The following CLSTN2 variants were observed in gnomAD, a reference collection of about 807,000 sequenced individuals.
The protein encoded by CLSTN2 is calsyntenin 2, also known as calsyntenin-2.
CLSTN2 carries 48 observed loss-of-function variants against 101.2 expected under a neutral mutation model. That is an observed-to-expected ratio of 0.47 (90% CI 0.38 to 0.60). The LOEUF is 0.60. Among genes scored for constraint, CLSTN2 ranks in the 20% least tolerant of loss-of-function variants. The probability of loss-of-function intolerance (pLI) is 0.00; values close to 1 mark genes in which losing one functional copy is unlikely to be tolerated. For synonymous variants in CLSTN2, 481 were observed against 463.6 expected, an observed-to-expected ratio of 1.04 and a Z score of -0.48; for missense variants, 1,160 against 1,238.2, an observed-to-expected ratio of 0.94 and a Z score of 0.95.
chr3:140,004,207 ATT>A (rs1197516213), intron 1 of CLSTN2, among the ~76,000 whole-genome samples: 1 of 152,252 alleles, frequency 6.6e-6, no homozygotes, highest in Non-Finnish European at 1.5e-5. Flanking sequence ...ATACTAATTA[ATT>A]AAATAAGTAC....
chr3:140,024,318 G>T (rs1022081433), intron 1 of CLSTN2, among the ~76,000 whole-genome samples: 17 of 152,184 alleles, frequency 1.1e-4, no homozygotes, highest in African/African-American at 3.4e-4. Flanking sequence ...CCCACCTTCT[G>T]CCTTTTCTTG....
At chr3:139,982,361 A>G (rs1385737341) in intron 1 of CLSTN2, among the ~76,000 whole-genome samples, 1 of 140,122 alleles carries the variant, frequency 7.1e-6, no homozygotes, top group Non-Finnish European at 1.6e-5. Context: ...ATATTAAAAC[A>G]TCTTAAATTT....
intron 1 of CLSTN2, among the ~76,000 whole-genome samples, chr3:140,095,265 CTT>C (rs58277748): frequency 0.022 from 3,351 of 152,226 alleles, 134 homozygotes; most frequent in African/African-American, 0.075. Context: ...ATAACATTGA[CTT>C]TTGTTCTGAA....
intron 8 of CLSTN2, among the ~76,000 whole-genome samples, chr3:140,493,688 C>T (rs564103983): frequency 6.6e-6 from 1 of 152,172 alleles, no homozygotes; most frequent in Non-Finnish European, 1.5e-5. Flanking sequence ...TCACCTAAGC[C>T]TCTCTGTGCT....
At chr3:140,350,834 G>A (rs1269105238) in intron 2 of CLSTN2, among the ~76,000 whole-genome samples, 2 of 152,196 alleles carry the variant, frequency 1.3e-5, no homozygotes, top group African/African-American at 4.8e-5. Context: ...GATGGAGGAA[G>A]TCAGGAGTAA....
chr3:140,452,214 A>C (rs1214180142), intron 6 of CLSTN2, among the ~76,000 whole-genome samples: 1 of 151,972 alleles, frequency 6.6e-6, no homozygotes, highest in African/African-American at 2.4e-5. Flanking sequence ...GACCCTCCCA[A>C]AGATCAGCCT....
chr3:140,249,500 T>A (rs985663471), intron 2 of CLSTN2, among the ~76,000 whole-genome samples: 4 of 152,178 alleles, frequency 2.6e-5, no homozygotes, highest in Admixed American at 2.0e-4. Flanking sequence ...AACTAGCAGA[T>A]GTGACCTAAG....
intron 1 of CLSTN2, among the ~76,000 whole-genome samples, chr3:140,066,250 C>G (rs775857475): frequency 2.0e-5 from 3 of 152,250 alleles, no homozygotes; most frequent in Non-Finnish European, 4.4e-5. Flanking sequence ...AGCAGCCTGT[C>G]TGTCTGCAGT....
intron 7 of CLSTN2, among the ~76,000 whole-genome samples, chr3:140,464,219 C>A (rs563606895): frequency 6.6e-6 from 1 of 152,152 alleles, no homozygotes; most frequent in African/African-American, 2.4e-5. Flanking sequence ...GGGATGAAGA[C>A]GTAGAACAAG....
intron 1 of CLSTN2, among the ~76,000 whole-genome samples, chr3:140,150,261 A>G (rs2009841527): frequency 6.6e-6 from 1 of 152,228 alleles, no homozygotes; most frequent in East Asian, 1.9e-4. Flanking sequence ...AGCGTTGCAC[A>G]GTGATAGAAG....
At chr3:140,189,607 T>C (rs1362584703) in intron 2 of CLSTN2, among the ~76,000 whole-genome samples, 1 of 152,240 alleles carries the variant, frequency 6.6e-6, no homozygotes, top group Admixed American at 6.5e-5. Flanking sequence ...ATTTATATTC[T>C]TACGGTTGAG....
intron 2 of CLSTN2, among the ~76,000 whole-genome samples, chr3:140,180,050 C>T (rs1225133237): frequency 2.0e-5 from 3 of 152,208 alleles, no homozygotes; most frequent in African/African-American, 7.2e-5. Context: ...CTGTCATCAT[C>T]TGTAAAAGAA....
At chr3:140,230,549 C>T (rs547828500) in intron 2 of CLSTN2, among the ~76,000 whole-genome samples, 1 of 152,144 alleles carries the variant, frequency 6.6e-6, no homozygotes, top group African/African-American at 2.4e-5. Context: ...GGATTAGTGC[C>T]TTTATAAAAC....
chr3:140,357,487 A>G (rs2087683295), intron 2 of CLSTN2, among the ~76,000 whole-genome samples: 1 of 152,062 alleles, frequency 6.6e-6, no homozygotes, highest in African/African-American at 2.4e-5. Context: ...CATATTCCAG[A>G]TGCGCAGATG....
intron 6 of CLSTN2, chr3:140,452,792 G>T (rs998867536): frequency 6.6e-6 from 1 of 152,164 alleles, no homozygotes; most frequent in Non-Finnish European, 1.5e-5. Flanking sequence ...AAAAATGGAG[G>T]TCCCCTGAAC....
chr3:140,286,019 A>C (rs2107899767), intron 2 of CLSTN2, among the ~76,000 whole-genome samples: 1 of 152,250 alleles, frequency 6.6e-6, no homozygotes, highest in African/African-American at 2.4e-5. Context: ...GGGTGTTGTA[A>C]TAACTGTGAA....
intron 1 of CLSTN2, among the ~76,000 whole-genome samples, chr3:140,125,294 A>C (rs4470469): frequency 0.74 from 111,880 of 151,834 alleles, 41,358 homozygotes; most frequent in Admixed American, 0.82. Flanking sequence ...AGGCACACTT[A>C]TATGTGAAAA....
chr3:140,435,045 C>T (rs891735788), intron 5 of CLSTN2, among the ~76,000 whole-genome samples: 3 of 152,094 alleles, frequency 2.0e-5, no homozygotes, highest in African/African-American at 7.2e-5. Context: ...CCCTCATAAG[C>T]ATTTATCCTC....
At chr3:140,309,344 A>G (rs1170291533) in intron 2 of CLSTN2, among the ~76,000 whole-genome samples, 3 of 152,066 alleles carry the variant, frequency 2.0e-5, no homozygotes, top group African/African-American at 7.2e-5. Flanking sequence ...TGACAGGAGG[A>G]TATCTGGCCT....
Sources: gnomAD v4.1 joint callset for allele counts (sites outside exome capture counted in the v4.1 genomes callset) on GRCh38, gnomAD v4.1.1 for gene constraint, MANE v1.5 for transcripts, NCBI Gene and HGNC (gene_info 2026-07-23, HGNC 2026-07-21) for gene names.